FRAS1: variants seen among roughly 807,000 people sequenced by gnomAD.
The protein encoded by FRAS1 is extracellular matrix organizing protein FRAS1.
In FRAS1, 290 loss-of-function variants were observed where a neutral mutation model predicts 435.2. The ratio of observed to expected loss-of-function variants is 0.67; its 90% CI spans 0.61 to 0.73. FRAS1 has a LOEUF of 0.73. Ranked by LOEUF, FRAS1 falls within the 30% of genes least tolerant of loss-of-function variation. The pLI is 0.00. For missense variants in FRAS1, 4,860 were observed against 5,001.5 expected (o/e 0.97, Z 0.85); for synonymous variants, 1,800 against 1,851.0 (o/e 0.97, Z 0.71).
chr4:78,243,828 C>T (rs1725114220), intron 3 of FRAS1, among the ~76,000 whole-genome samples: 1 of 152,050 alleles, frequency 6.6e-6, no homozygotes, highest in Non-Finnish European at 1.5e-5. Context: ...TCCATTCTAC[C>T]TGCCTTTCTC....
chr4:78,363,596 C>G lies in FRAS1; in HGVS notation c.2506C>G (p.Leu836Val). 1 of 1,610,584 alleles carries G rather than the reference C, an allele frequency of 6.2e-7. No individual in the cohort carries two copies. The highest frequency in any genetic ancestry group is 2.2e-5 in the East Asian group (1 of 44,734). Residue 836 changes from leucine to valine, a missense_variant, in exon 21 of 74, where the codon CTG (leucine) becomes GTG (valine). Transcript: ENST00000512123. Reference sequence around the variant, plus strand: ...CCTCAGGTGCCAGAATGCCCACTACCTGCTGCTCGGGGACCACTGTGTTCC... The same window carrying G: ...CCTCAGGTGCCAGAATGCCCACTACGTGCTGCTCGGGGACCACTGTGTTCC... ...ICLRCQNAHY[L>V]LLGDHCVPDC...
chr4:78,358,859 T>C (rs910977782), intron 20 of FRAS1, among the ~76,000 whole-genome samples: 2 of 152,202 alleles, frequency 1.3e-5, no homozygotes, highest in Non-Finnish European at 2.9e-5. Context: ...AAATGATGTT[T>C]ACAGGAGTCC....
At chr4:78,303,289 T>C (rs1018971713) in intron 14 of FRAS1, among the ~76,000 whole-genome samples, 2 of 152,276 alleles carry the variant, frequency 1.3e-5, no homozygotes, top group East Asian at 3.9e-4. Context: ...AGTCAGGTAG[T>C]GTGATGCCTC....
chr4:78,337,807 A>G lies in FRAS1; in HGVS notation c.2412A>G (p.Gly804=). ...CREEQFLNLV[G]YCADCHHLCQ... is the part of the protein sequence containing the mutation. ...AAGAGCAGTTCCTCAACCTCGTGGGATACTGTGCTGGTGAGTGAAACTCCT... is the reference window on the plus strand; with the variant it reads ...AAGAGCAGTTCCTCAACCTCGTGGGGTACTGTGCTGGTGAGTGAAACTCCT... The change falls in exon 20 of 74, where the codon GGA becomes GGG. Residue 804 remains glycine, a synonymous_variant. Transcript: ENST00000512123. 6.2e-7 allele frequency: 1 copy of G among 1,613,820 alleles called. No individual in the cohort carries two copies. Among genetic ancestry groups the G allele is most frequent in the Non-Finnish European group, 8.5e-7 (1 of 1,179,810 alleles).
chr4:78,422,101 G>T (rs1733813184), intron 34 of FRAS1, 101 bp downstream of exon 34: 1 of 1,215,870 alleles, frequency 8.2e-7, no homozygotes. Context: ...ACCATTTGGT[G>T]CCCCTGCTTT....
chr4:78,122,118 C>G lies in FRAS1; in HGVS notation c.108+56102C>G, dbSNP rs774466502. 1.5e-4 allele frequency among the ~76,000 whole-genome samples: 23 copies of G among 152,068 alleles called. 1 individual carries two copies. Among genetic ancestry groups the G allele is most frequent in the Non-Finnish European group, 1.6e-4 (11 of 68,014 alleles). ...CATTAGGTATTTCTCCTAATGTTAT[C>G]TATCCCCTAGCCCCCCATCCCCCAC... On this transcript the variant is annotated intron_variant, in intron 2 of 73. Coordinates refer to ENST00000512123, the MANE Select transcript of FRAS1 (RefSeq NM_025074.7).
chr4:78,370,365 T>A (rs1731455118), intron 23 of FRAS1, among the ~76,000 whole-genome samples: 1 of 152,218 alleles, frequency 6.6e-6, no homozygotes, highest in East Asian at 1.9e-4. Context: ...AAAATTGAGA[T>A]TTTCAAGTGT....
At chr4:78,455,420 A>AGGCG (rs1553962051) in intron 47 of FRAS1, among the ~76,000 whole-genome samples, 3 of 149,114 alleles carry the variant, frequency 2.0e-5, no homozygotes, top group African/African-American at 7.7e-5. Flanking sequence ...GGAGTTGAGG[A>AGGCG]GGGAGGGGGT....
chr4:78,254,247 A>G (rs546368852), intron 5 of FRAS1, among the ~76,000 whole-genome samples: 1 of 152,188 alleles, frequency 6.6e-6, no homozygotes, highest in Non-Finnish European at 1.5e-5. Context: ...TTGCTGTATT[A>G]GGCACTCTCA....
chr4:78,539,331 A>G lies in FRAS1; in HGVS notation c.11336A>G (p.His3779Arg). The G allele has an allele frequency of 3.7e-6, 6 of 1,613,342 alleles. No homozygotes were observed. Among genetic ancestry groups the G allele is most frequent in the Non-Finnish European group, 5.1e-6 (6 of 1,179,680 alleles). ...NQPEVTDKYF[H>R]DVPFEAHFAS... The stretch of plus-strand genomic sequence containing the variant: ...CCAGAGGTAACTGATAAGTACTTCC[A>G]TGATGTGCCTTTTGAGGCTCACTTT... The change falls in exon 73 of 74, where the codon CAT (histidine) becomes CGT (arginine). Residue 3779 changes from histidine (H) to arginine (R), a missense_variant. Physicochemically the swap from His to Arg is conservative, Grantham distance 29. Coordinates refer to ENST00000512123, the MANE Select transcript of FRAS1 (RefSeq NM_025074.7).
chr4:78,138,864 A>T (rs1350780665), intron 2 of FRAS1, among the ~76,000 whole-genome samples: 2 of 152,130 alleles, frequency 1.3e-5, no homozygotes, highest in African/African-American at 4.8e-5. Flanking sequence ...ATTTTTTTTA[A>T]AGTTGATCTT....
chr4:78,240,698 G>A (rs746111991), intron 3 of FRAS1, among the ~76,000 whole-genome samples: 7 of 152,168 alleles, frequency 4.6e-5, no homozygotes, highest in African/African-American at 1.2e-4. Context: ...CACATAGATC[G>A]TATTGCAAAC....
chr4:78,064,309 C>A (rs1030227853), intron 1 of FRAS1, among the ~76,000 whole-genome samples: 1 of 150,526 alleles, frequency 6.6e-6, no homozygotes, highest in African/African-American at 2.4e-5. Flanking sequence ...AAATAAATTC[C>A]TTTTTTCATA....
At chr4:78,303,799 A>C (rs1463970466) in intron 14 of FRAS1, among the ~76,000 whole-genome samples, 2 of 151,404 alleles carry the variant, frequency 1.3e-5, no homozygotes, top group Non-Finnish European at 2.9e-5. Flanking sequence ...TGTCATCTGC[A>C]AACAGGTACA....
intron 29 of FRAS1, among the ~76,000 whole-genome samples, chr4:78,388,863 T>G (rs1732333659): frequency 2.0e-5 from 3 of 152,172 alleles, no homozygotes; most frequent in African/African-American, 7.2e-5. Flanking sequence ...CATGCCACCT[T>G]TTTATGTTTT....
In FRAS1 at chr4:78,429,075, T is replaced by C; in HGVS notation, c.4712-20T>C. 1 of 1,551,170 alleles carries C rather than the reference T, an allele frequency of 6.4e-7. No individual in the cohort carries two copies. Among genetic ancestry groups the C allele is most frequent in the East Asian group, 2.4e-5 (1 of 40,904 alleles). On this transcript the variant is annotated intron_variant, in intron 35 of 73. Transcript: ENST00000512123. ...GTGTGTGTGTGTGTCTCTGTGTGTGTGTGCATTTATCCTTTTTAGTTTCAG... is the reference window on the plus strand; with the variant it reads ...GTGTGTGTGTGTGTCTCTGTGTGTGCGTGCATTTATCCTTTTTAGTTTCAG...
chr4:78,489,221 G>A, intron 59 of FRAS1, 141 bp downstream of exon 59: 2 of 694,424 alleles, frequency 2.9e-6, no homozygotes, highest in African/African-American at 1.8e-5. Context: ...GGGGATAGGG[G>A]TGCCAACTCC....
chr4:78,207,790 G>T (rs187410764), intron 2 of FRAS1, among the ~76,000 whole-genome samples: 1 of 152,112 alleles, frequency 6.6e-6, no homozygotes, highest in African/African-American at 2.4e-5. Flanking sequence ...CCTTTGCAGG[G>T]TGAGTAAATA....
chr4:78,235,238 G>C (rs1578199512), intron 2 of FRAS1, among the ~76,000 whole-genome samples: 1 of 152,188 alleles, frequency 6.6e-6, no homozygotes, highest in African/African-American at 2.4e-5. Context: ...CAGCGACATT[G>C]AGACTAGTGT....
Sources: allele counts gnomAD v4.1 joint callset (sites outside exome capture counted in the v4.1 genomes callset), GRCh38; gene constraint gnomAD v4.1.1; transcripts MANE v1.5; gene names NCBI Gene and HGNC (gene_info 2026-07-23, HGNC 2026-07-21).